IL1RAPL2: variants seen among roughly 807,000 people sequenced by gnomAD.
The protein encoded by IL1RAPL2 is interleukin 1 receptor accessory protein like 2.
A neutral mutation model predicts 44.1 loss-of-function variants in IL1RAPL2; 3 were observed. The observed-to-expected ratio is 0.07, with a 90% confidence interval of 0.03 to 0.18. The LOEUF (loss-of-function observed/expected upper bound fraction) is 0.18, where lower values mean the gene tolerates loss of function less well. Among genes scored for constraint, IL1RAPL2 ranks in the 10% least tolerant of loss-of-function variants. The pLI is 1.00. For missense variants in IL1RAPL2, 391 were observed against 496.4 expected (o/e 0.79, Z 2.02); for synonymous variants, 181 against 178.8 (o/e 1.01, Z -0.10).
chrX:104,666,129 T>G (rs752260345), intron 2 of IL1RAPL2, among the ~76,000 whole-genome samples: 25 of 108,003 alleles, frequency 2.3e-4, no homozygotes, highest in Non-Finnish European at 4.2e-4. Flanking sequence ...GTCTGAGACA[T>G]AGAGAGAGAG....
chrX:104,861,564 A>G (rs1314424751), intron 2 of IL1RAPL2, among the ~76,000 whole-genome samples: 1 of 111,202 alleles, frequency 9.0e-6, no homozygotes, highest in Non-Finnish European at 1.9e-5. Flanking sequence ...TAAATTGAGG[A>G]GTATCTGTGT....
At chrX:104,809,750 A>G (rs1434689642) in intron 2 of IL1RAPL2, among the ~76,000 whole-genome samples, 2 of 110,901 alleles carry the variant, frequency 1.8e-5, no homozygotes, top group African/African-American at 6.6e-5. Context: ...CCATTTGTCA[A>G]TTTTGTCTTT....
chrX:105,177,490 C>G (rs1042405264), intron 2 of IL1RAPL2, among the ~76,000 whole-genome samples: 1 of 110,895 alleles, frequency 9.0e-6, no homozygotes, highest in African/African-American at 3.3e-5. Flanking sequence ...TCTCCTCCCC[C>G]AATCCCTAGA....
chrX:105,035,480 A>C (rs1253376892), intron 2 of IL1RAPL2, among the ~76,000 whole-genome samples: 4 of 112,120 alleles, frequency 3.6e-5, no homozygotes, highest in Non-Finnish European at 5.6e-5. Context: ...ACTTTCAAAA[A>C]ATTGGGGAAA....
chrX:105,233,146 T>G (rs1012438504), intron 3 of IL1RAPL2, among the ~76,000 whole-genome samples: 2 of 110,850 alleles, frequency 1.8e-5, no homozygotes, highest in Non-Finnish European at 3.8e-5. Flanking sequence ...TAGCCGGGCG[T>G]GGTGGCGGGT....
intron 2 of IL1RAPL2, among the ~76,000 whole-genome samples, chrX:104,915,341 T>G (rs1274782394): frequency 4.5e-5 from 5 of 110,877 alleles, no homozygotes; most frequent in Non-Finnish European, 9.5e-5. Context: ...TTTTCATGTG[T>G]TTTTTGGCTG....
intron 7 of IL1RAPL2, among the ~76,000 whole-genome samples, chrX:105,726,897 G>A (rs1375507318): frequency 1.8e-5 from 2 of 110,819 alleles, no homozygotes; most frequent in Non-Finnish European, 3.8e-5. Flanking sequence ...CCTCTAGAAT[G>A]CCCCTCCCTC....
chrX:105,213,932 T>G (rs2033829002), intron 3 of IL1RAPL2, among the ~76,000 whole-genome samples: 1 of 108,313 alleles, frequency 9.2e-6, no homozygotes, highest in Non-Finnish European at 1.9e-5. Context: ...TGCTGAGGGA[T>G]TTTGTCACCA....
intron 2 of IL1RAPL2, among the ~76,000 whole-genome samples, chrX:104,673,716 C>A (rs1930672710): frequency 1.8e-5 from 2 of 109,679 alleles, no homozygotes; most frequent in South Asian, 8.1e-4. Context: ...GATATTGATT[C>A]TTCCTACCCA....
chrX:104,802,659 A>C (rs1397208440), intron 2 of IL1RAPL2, among the ~76,000 whole-genome samples: 1 of 111,815 alleles, frequency 8.9e-6, no homozygotes, highest in Non-Finnish European at 1.9e-5. Flanking sequence ...CAATTTTCTA[A>C]TTTTTAATGT....
chrX:105,398,846 T>G (rs970691933), intron 5 of IL1RAPL2, among the ~76,000 whole-genome samples: 2 of 111,954 alleles, frequency 1.8e-5, no homozygotes, highest in African/African-American at 6.5e-5. Context: ...GGCAAGACTG[T>G]TCTTCTGATC....
chrX:105,257,697 A>G (rs2034326643), intron 4 of IL1RAPL2, among the ~76,000 whole-genome samples: 1 of 112,014 alleles, frequency 8.9e-6, no homozygotes, highest in African/African-American at 3.2e-5. Context: ...ACCCTTTTCT[A>G]TATTTTAATC....
chrX:104,917,177 C>T (rs1048758448), intron 2 of IL1RAPL2, among the ~76,000 whole-genome samples: 2 of 111,229 alleles, frequency 1.8e-5, no homozygotes, highest in African/African-American at 6.5e-5. Context: ...TGGTAGAGTT[C>T]GGCTGTGAAT....
intron 5 of IL1RAPL2, among the ~76,000 whole-genome samples, chrX:105,382,316 A>T (rs2035438662): frequency 1.8e-5 from 2 of 108,271 alleles, no homozygotes; most frequent in African/African-American, 3.6e-5. Context: ...GAAGGATATG[A>T]ACAGACACTT....
intron 6 of IL1RAPL2, among the ~76,000 whole-genome samples, chrX:105,610,650 C>T (rs781105642): frequency 8.9e-6 from 1 of 111,968 alleles, no homozygotes; most frequent in East Asian, 2.8e-4. Flanking sequence ...TGCCTAGTCA[C>T]ATCACAGCCA....
intron 10 of IL1RAPL2, 40 bp from the exon 11 acceptor site, chrX:105,766,924 T>C: frequency 9.9e-7 from 1 of 1,007,878 alleles, no homozygotes; most frequent in African/African-American, 1.9e-5. Context: ...AGACTGGCAA[T>C]GTCTTTGTTT....
At chrX:105,519,532 G>A (rs770292061) in intron 6 of IL1RAPL2, among the ~76,000 whole-genome samples, 1 of 111,314 alleles carries the variant, frequency 9.0e-6, no homozygotes, top group East Asian at 2.9e-4. Context: ...GATTTTGAAG[G>A]GTGGATTCAA....
Position 104,966,416 on chromosome X carries a change from A to G in IL1RAPL2, c.83-229059A>G, listed in dbSNP as rs187831657. On this transcript the variant is annotated intron_variant, in intron 2 of 10. Coordinates refer to ENST00000372582, the MANE Select transcript of IL1RAPL2 (RefSeq NM_017416.2). ...ATATTTGTCAGGCAAATACTAATGC[A>G]AACGTTACATATTTTCATAGCTATA... Among the ~76,000 whole-genome samples, 4 of 111,920 alleles carry G rather than the reference A, an allele frequency of 3.6e-5. No homozygotes were observed. The Admixed American group carries it at 3.8e-4, about 11-fold the overall frequency.
intron 2 of IL1RAPL2, among the ~76,000 whole-genome samples, chrX:105,025,484 C>A (rs1219415459): frequency 9.0e-6 from 1 of 111,282 alleles, no homozygotes; most frequent in African/African-American, 3.2e-5. Flanking sequence ...CTTAAACGCC[C>A]ATAGGATTAA....
Sources: allele counts gnomAD v4.1 joint callset (sites outside exome capture counted in the v4.1 genomes callset), GRCh38; gene constraint gnomAD v4.1.1; transcripts MANE v1.5; gene names NCBI Gene and HGNC (gene_info 2026-07-23, HGNC 2026-07-21).